GALNT13: variants seen among roughly 807,000 people sequenced by gnomAD.
The protein encoded by GALNT13 is polypeptide N-acetylgalactosaminyltransferase 13.
GALNT13 carries 28 observed loss-of-function variants against 64.2 expected under a neutral mutation model. That is an observed-to-expected ratio of 0.44 (90% CI 0.32 to 0.60). The LOEUF (loss-of-function observed/expected upper bound fraction) is 0.60. Ranked by LOEUF, GALNT13 falls within the 20% of genes least tolerant of loss-of-function variation. The probability of loss-of-function intolerance (pLI) is 0.05; values close to 1 mark genes in which losing one functional copy is unlikely to be tolerated. For synonymous variants in GALNT13, 214 were observed against 224.6 expected (o/e 0.95, Z 0.42); for missense variants, 577 against 669.8 (o/e 0.86, Z 1.53).
chr2:154,234,574 A>G (rs1258295085), intron 4 of GALNT13, among the ~76,000 whole-genome samples: 1 of 152,032 alleles, frequency 6.6e-6, no homozygotes, highest in East Asian at 1.9e-4. Flanking sequence ...ACTCATTTTC[A>G]TATACTCTTT....
intron 4 of GALNT13, among the ~76,000 whole-genome samples, chr2:154,209,001 A>G (rs1157379913): frequency 6.6e-6 from 1 of 152,114 alleles, no homozygotes; most frequent in African/African-American, 2.4e-5. Context: ...CAATTTCTGT[A>G]TGGCTTTATA....
At chr2:153,461,862 C>A in the GALNT13 span, among the ~76,000 whole-genome samples, 1 of 152,078 alleles carries the variant, frequency 6.6e-6, no homozygotes, top group Non-Finnish European at 1.5e-5. Flanking sequence ...GAGCTCCTAA[C>A]TATAGACTTA....
the GALNT13 span, among the ~76,000 whole-genome samples, chr2:153,765,501 T>A: frequency 6.6e-6 from 1 of 152,202 alleles, no homozygotes; most frequent in African/African-American, 2.4e-5. Flanking sequence ...TGTACCCCAA[T>A]TGTATCTACG....
the GALNT13 span, among the ~76,000 whole-genome samples, chr2:153,433,417 A>T: frequency 2.5e-5 from 3 of 118,498 alleles, no homozygotes; most frequent in East Asian, 4.1e-4. Flanking sequence ...TTTCCACTCC[A>T]AATTAGGCTT....
the GALNT13 span, among the ~76,000 whole-genome samples, chr2:153,711,892 G>A: frequency 6.6e-6 from 1 of 152,116 alleles, no homozygotes; most frequent in African/African-American, 2.4e-5. Context: ...AAATGGCTAG[G>A]CCTACCTTCA....
chr2:153,790,904 A>C, the GALNT13 span, among the ~76,000 whole-genome samples: 5 of 152,184 alleles, frequency 3.3e-5, no homozygotes, highest in African/African-American at 1.2e-4. Flanking sequence ...ATGGAGGTGA[A>C]ATATCTCTAA....
At chr2:153,800,012 A>G in the GALNT13 span, among the ~76,000 whole-genome samples, 1 of 147,906 alleles carries the variant, frequency 6.8e-6, no homozygotes, top group Non-Finnish European at 1.5e-5. Flanking sequence ...GTTGCTATCA[A>G]TTGATTTCTC....
chr2:153,932,790 G>A (rs1283995332), intron 2 of GALNT13, among the ~76,000 whole-genome samples: 1 of 151,710 alleles, frequency 6.6e-6, no homozygotes, highest in African/African-American at 2.4e-5. Context: ...ACCACGCCTG[G>A]CTAATTTTTG....
At chr2:153,730,081 CA>C in the GALNT13 span, among the ~76,000 whole-genome samples, 1 of 151,304 alleles carries the variant, frequency 6.6e-6, no homozygotes, top group Non-Finnish European at 1.5e-5. Flanking sequence ...CATGATTAGA[CA>C]AAACAATTCT....
chr2:153,208,941 C>G, the GALNT13 span, among the ~76,000 whole-genome samples: 1 of 133,296 alleles, frequency 7.5e-6, no homozygotes, highest in Non-Finnish European at 1.6e-5. Flanking sequence ...TTAGGTTTTA[C>G]ATTTAGATCT....
At chr2:153,968,354 C>G (rs1693514767) in intron 3 of GALNT13, among the ~76,000 whole-genome samples, 1 of 152,204 alleles carries the variant, frequency 6.6e-6, no homozygotes, top group African/African-American at 2.4e-5. Flanking sequence ...TTTACTGTGA[C>G]AGAATGGCCC....
chr2:153,231,162 C>T, the GALNT13 span, among the ~76,000 whole-genome samples: 3 of 152,132 alleles, frequency 2.0e-5, no homozygotes, highest in Admixed American at 6.5e-5. Context: ...GAATGTAGGC[C>T]GATGACATAC....
chr2:154,335,296 G>A (rs770185469), intron 9 of GALNT13, among the ~76,000 whole-genome samples: 14 of 151,880 alleles, frequency 9.2e-5, no homozygotes, highest in Non-Finnish European at 1.6e-4. Flanking sequence ...ATCATAACTC[G>A]AATTTATTGA....
chr2:153,772,395 A>C, the GALNT13 span, among the ~76,000 whole-genome samples: 4 of 152,228 alleles, frequency 2.6e-5, no homozygotes, highest in Middle Eastern at 3.4e-3. Flanking sequence ...CCTGGGTTGC[A>C]TGGAACCCTA....
At chr2:153,072,275 C>T in the GALNT13 span, among the ~76,000 whole-genome samples, 4 of 152,214 alleles carry the variant, frequency 2.6e-5, no homozygotes, top group East Asian at 1.9e-4. Context: ...AGTGTGGGAC[C>T]GGAGCAGGAT....
At chr2:153,295,317 G>A in the GALNT13 span, among the ~76,000 whole-genome samples, 1 of 152,108 alleles carries the variant, frequency 6.6e-6, no homozygotes, top group Admixed American at 6.5e-5. Context: ...CAGTGGAGAA[G>A]ACATTATAAA....
intron 3 of GALNT13, among the ~76,000 whole-genome samples, chr2:154,110,407 A>G (rs1702919568): frequency 7.0e-6 from 1 of 142,028 alleles, no homozygotes; most frequent in African/African-American, 2.6e-5. Flanking sequence ...AGAGACAGAG[A>G]GAGAGAGGAG....
the GALNT13 span, among the ~76,000 whole-genome samples, chr2:153,099,005 C>T: frequency 2.6e-5 from 4 of 152,110 alleles, no homozygotes; most frequent in Admixed American, 1.3e-4. Context: ...AGCTGTAGTT[C>T]GAGCTACTCC....
chr2:153,978,770 T>C (rs368752754), intron 3 of GALNT13, among the ~76,000 whole-genome samples: 1 of 152,102 alleles, frequency 6.6e-6, no homozygotes, highest in East Asian at 1.9e-4. Flanking sequence ...AATATCTTGT[T>C]TCTTTATCTA....
Sources: allele counts gnomAD v4.1 joint callset (sites outside exome capture counted in the v4.1 genomes callset), GRCh38; gene constraint gnomAD v4.1.1; transcripts MANE v1.5; gene names NCBI Gene and HGNC (gene_info 2026-07-23, HGNC 2026-07-21).